BCL9L: variants seen among roughly 807,000 people sequenced by gnomAD.
BCL9L encodes BCL9 like, also known as B-cell CLL/lymphoma 9-like protein.
BCL9L carries 19 observed loss-of-function variants against 99.4 expected under a neutral mutation model. The ratio of observed to expected loss-of-function variants is 0.19; its 90% CI spans 0.13 to 0.28. The LOEUF is 0.28. Ranked by LOEUF, BCL9L falls within the 10% of genes least tolerant of loss-of-function variation. BCL9L has a pLI of 1.00. For missense variants in BCL9L, 2,023 were observed against 2,101.6 expected, an observed-to-expected ratio of 0.96 and a Z score of 0.73; for synonymous variants, 900 against 854.8, an observed-to-expected ratio of 1.05 and a Z score of -0.92.
chr11:118,899,296 C>T lies in BCL9L; in HGVS notation c.3619G>A (p.Gly1207Arg), dbSNP rs1310114307. ...PPQNSMMMAP[G>R]GPDSLNAPCG... The stretch of plus-strand genomic sequence containing the variant: ...GGGGCATTCAGGGAGTCGGGGCCCC[C>T]TGGGGCCATCATCATGGAGTTTTGA... The change falls in exon 10 of 10, where the codon GGG (glycine) becomes AGG (arginine). Residue 1207 changes from glycine (G) to arginine (R), a missense_variant. By Grantham distance (125) the Gly-to-Arg change is moderately radical. Around this residue, in one of 3 missense-constraint regions of BCL9L, gnomAD observed 902 missense variants for 888.2 expected, o/e 1.02. Transcript: ENST00000683865. 6.5e-7 allele frequency: 1 copy of T among 1,538,050 alleles called. No homozygotes were observed. The highest frequency in any genetic ancestry group is 8.8e-7 in the Non-Finnish European group (1 of 1,142,558).
Position 118,903,088 on chromosome 11 carries a change from G to A in BCL9L, c.750-14C>T. 1 of 1,566,298 alleles carries A rather than the reference G, an allele frequency of 6.4e-7. No homozygotes were observed. The highest frequency in any genetic ancestry group is 8.6e-7 in the Non-Finnish European group (1 of 1,160,414). On this transcript the variant is annotated splice_polypyrimidine_tract_variant and intron_variant, in intron 6 of 9. Coordinates refer to ENST00000683865, the MANE Select transcript of BCL9L (RefSeq NM_001378213.1). The surrounding 1 kb of genome is among the most constrained non-coding windows in gnomAD (Gnocchi z 5.6). ...GCCTCTGCAGCCCTGCACAGAGTGG[G>A]GGCACCGACAGCTCAGAGAGGTGAG...
Position 118,903,583 on chromosome 11 carries a change from G to GAGAACACCAGA in BCL9L, c.533-132_533-131insTCTGGTGTTCT. On this transcript the variant is annotated intron_variant, in intron 5 of 9. Transcript: ENST00000683865. The surrounding 1 kb of genome is among the most constrained non-coding windows in gnomAD (Gnocchi z 5.6). ...GGGACATTTGATGTCAGTATCTGGTGTTCTCACCAGGCTGGTTTCCACGAT... is the reference window on the plus strand; with the variant it reads ...GGGACATTTGATGTCAGTATCTGGTGAGAACACCAGATTCTCACCAGGCTGGTTTCCACGAT... The GAGAACACCAGA allele has an allele frequency of 4.9e-6, 5 of 1,022,178 alleles. No individual in the cohort carries two copies. Among genetic ancestry groups the GAGAACACCAGA allele is most frequent in the Non-Finnish European group, 7.4e-6 (5 of 676,380 alleles). The allele number at this position is 1,022,178 out of a possible 1,614,324, so 63.3% of individuals were successfully genotyped here. A position where few individuals can be genotyped will look rare whatever the true frequency, so the allele number is the denominator to read the frequency against.
Position 118,901,281 on chromosome 11 carries a change from C to A in BCL9L, c.2462G>T (p.Arg821Leu). Residue 821 changes from arginine (R) to leucine (L), a missense_variant, in exon 8 of 10, where the codon CGG becomes CTG. This residue lies in a region of BCL9L where 1,116 missense variants were observed against 1,194.6 expected (regional missense o/e 0.93). Transcript: ENST00000683865. The surrounding 1 kb of genome is among the most constrained non-coding windows in gnomAD (Gnocchi z 6.6). ...GLSPEEMARV[R>L]AQNSSGVMGG... ...CATCACGCCACTGCTGTTCTGGGCCCGAACCCGGGCCATCTCCTCAGGACT... is the reference window on the plus strand; with the variant it reads ...CATCACGCCACTGCTGTTCTGGGCCAGAACCCGGGCCATCTCCTCAGGACT... The A allele has an allele frequency of 6.2e-7, 1 of 1,613,952 alleles. No homozygotes were observed. The highest frequency in any genetic ancestry group is 8.5e-7 in the Non-Finnish European group (1 of 1,179,980).
intron 2 of BCL9L, chr11:118,911,222 C>T (rs1477501515): frequency 2.2e-6 from 1 of 456,006 alleles, no homozygotes; most frequent in Admixed American, 2.3e-5. Flanking sequence ...CCTCCAGCAG[C>T]CGATCCCGGT....
intron 1 of BCL9L, among the ~76,000 whole-genome samples, chr11:118,920,524 C>A (rs1041809844): frequency 6.6e-6 from 1 of 152,116 alleles, no homozygotes; most frequent in Admixed American, 6.5e-5. Context: ...TTTTCTGAAC[C>A]TTAAATTTGC....
In BCL9L at chr11:118,898,124, C is replaced by T. The variant is rs1004440948; in HGVS notation, c.*291G>A. ...GGGGTGTGGCGGGTGCAGGGATGCACGGAAAGAGGTAAAATAGAGAGGCTC... is the reference window on the plus strand; with the variant it reads ...GGGGTGTGGCGGGTGCAGGGATGCATGGAAAGAGGTAAAATAGAGAGGCTC... On this transcript the variant is annotated 3_prime_UTR_variant, in exon 10 of 10. Coordinates refer to ENST00000683865, the MANE Select transcript of BCL9L (RefSeq NM_001378213.1). 17 of 542,494 alleles carry T rather than the reference C, an allele frequency of 3.1e-5. No homozygotes were observed. Among genetic ancestry groups the T allele is most frequent in the Non-Finnish European group, 4.6e-5 (14 of 301,454 alleles). 33.6% of individuals were successfully genotyped at this position (542,494 alleles called of 1,614,324 possible). A position where few individuals can be genotyped will look rare whatever the true frequency, so the allele number is the denominator to read the frequency against.
rs1196104764 is a variant in BCL9L, at chr11:118,898,017, C to G, written c.*398G>C. 7.3e-6 allele frequency: 3 copies of G among 411,906 alleles called. No individual in the cohort carries two copies. The East Asian group carries it at 1.8e-4, about 25-fold the overall frequency. The allele number at this position is 411,906 out of a possible 1,614,324, so 25.5% of individuals were successfully genotyped here. On this transcript the variant is annotated 3_prime_UTR_variant, in exon 10 of 10. Transcript: ENST00000683865. The stretch of plus-strand genomic sequence containing the variant: ...CAATGCGGACACGAGGAGACAGGAG[C>G]AGAAGGGGCTGGGGGAGACCTGACC...
Position 118,908,297 on chromosome 11 carries a change from T to A in BCL9L, c.385A>T (p.Thr129Ser). Residue 129 changes from threonine (T) to serine (S), a missense_variant, in exon 4 of 10, where the codon ACC (threonine) becomes TCC (serine). Physicochemically the swap from Thr to Ser is moderately conservative, Grantham distance 58. Coordinates refer to ENST00000683865, the MANE Select transcript of BCL9L (RefSeq NM_001378213.1). The part of the protein sequence containing the change: ...VDSGEQREAG[T>S]PSLDSEAKEV... ...TTGGCCTCTGAATCCAGGGATGGGG[T>A]CCCAGCCTCTCGCTGCTCTCCAGAG... 6.4e-7 allele frequency: 1 copy of A among 1,568,864 alleles called. No individual in the cohort carries two copies. Among genetic ancestry groups the A allele is most frequent in the Admixed American group, 1.8e-5 (1 of 55,606 alleles).
intron 2 of BCL9L, among the ~76,000 whole-genome samples, chr11:118,918,057 G>A (rs754803614): frequency 6.6e-6 from 1 of 152,168 alleles, no homozygotes; most frequent in Admixed American, 6.5e-5. Context: ...GTGTCCCTTG[G>A]GGGGTGGCTT....
chr11:118,910,052 T>TG, intron 2 of BCL9L, 37 bp from the exon 3 acceptor site: 1 of 1,397,642 alleles, frequency 7.2e-7, no homozygotes, highest in Non-Finnish European at 9.7e-7. Flanking sequence ...ACTCGTGACT[T>TG]GGGGAGGGGG....
intron 2 of BCL9L, among the ~76,000 whole-genome samples, chr11:118,917,910 G>A (rs946448402): frequency 6.6e-6 from 1 of 152,056 alleles, no homozygotes; most frequent in Non-Finnish European, 1.5e-5. Flanking sequence ...GAGGCCCCAG[G>A]TGGGGGTCAA....
rs930002386 is a variant in BCL9L at position 118,921,521 on chromosome 11, G to A, written c.-130-2642C>T. On this transcript the variant is annotated intron_variant, in intron 1 of 9. Transcript: ENST00000683865. The surrounding 1 kb of genome is among the most constrained non-coding windows in gnomAD (Gnocchi z 5.4). Reference sequence around the variant, plus strand: ...GGGAAGTGGAGAGTGAGGAGGAGGGGAAGACGGGCCAGCCCAGGGCTACCA... The same window carrying A: ...GGGAAGTGGAGAGTGAGGAGGAGGGAAAGACGGGCCAGCCCAGGGCTACCA... Among the ~76,000 whole-genome samples the A allele has an allele frequency of 7.2e-5, 11 of 151,984 alleles. No homozygotes were observed. The highest frequency in any genetic ancestry group is 2.7e-4 in the African/African-American group (11 of 41,350).
rs1381072509 is a variant in BCL9L at position 118,902,389 on chromosome 11, G to C, written c.1354C>G (p.Gln452Glu). 6.5e-7 allele frequency: 1 copy of C among 1,540,740 alleles called. No homozygotes were observed. Among genetic ancestry groups the C allele is most frequent in the Non-Finnish European group, 8.7e-7 (1 of 1,146,670 alleles). The change falls in exon 8 of 10, where the codon CAG (glutamine) becomes GAG (glutamate). Residue 452 changes from glutamine to glutamate, a missense_variant. Transcript: ENST00000683865. This position sits in a 1 kb window ranked among gnomAD's most constrained non-coding sequence, Gnocchi z 7.8. Reference sequence around the variant, plus strand: ...CTGGGAGGGGCCGTGGGTGGCTGCTGGGGGGGAGGGGGGGCTTGTGCTGGT... The same window carrying C: ...CTGGGAGGGGCCGTGGGTGGCTGCTCGGGGGGAGGGGGGGCTTGTGCTGGT... ...GPPAQAPPPP[Q>E]QPPTAPPSGL...
At chr11:118,909,144 G>GC (rs1442388637) in intron 3 of BCL9L, among the ~76,000 whole-genome samples, 1 of 152,224 alleles carries the variant, frequency 6.6e-6, no homozygotes, top group Non-Finnish European at 1.5e-5. Flanking sequence ...ATTCCCCAGG[G>GC]ACAGTGGGAA....
At chr11:118,907,177 C>T (rs1940556920) in intron 5 of BCL9L, among the ~76,000 whole-genome samples, 1 of 152,194 alleles carries the variant, frequency 6.6e-6, no homozygotes, top group Non-Finnish European at 1.5e-5. Flanking sequence ...TCACCGCCCT[C>T]CCTCCACTAA....
At chr11:118,918,573 C>A (rs959048896) in intron 2 of BCL9L, among the ~76,000 whole-genome samples, 6 of 152,018 alleles carry the variant, frequency 3.9e-5, no homozygotes, top group Admixed American at 3.9e-4. Flanking sequence ...GGCTCTAACC[C>A]CTCCCAGCCC....
rs1296582632 is a variant in BCL9L at position 118,902,381 on chromosome 11, T to A, written c.1362A>T (p.Pro454=). The change falls in exon 8 of 10, where the codon CCA becomes CCT. Residue 454 remains proline (P), a synonymous_variant. Coordinates refer to ENST00000683865, the MANE Select transcript of BCL9L (RefSeq NM_001378213.1). The surrounding 1 kb of genome is among the most constrained non-coding windows in gnomAD (Gnocchi z 7.8). ...PAQAPPPPQQ[P]PTAPPSGLKK... ...TCAGCCCGCTGGGAGGGGCCGTGGG[T>A]GGCTGCTGGGGGGGAGGGGGGGCTT... 1 of 758,018 alleles carries A rather than the reference T, an allele frequency of 1.3e-6. No individual in the cohort carries two copies. Among genetic ancestry groups the A allele is most frequent in the South Asian group, 1.7e-5 (1 of 60,258 alleles). 47.0% of individuals were successfully genotyped at this position (758,018 alleles called of 1,614,324 possible).
In BCL9L at chr11:118,914,459, C is replaced by G. The variant is rs80260033; in HGVS notation, c.-77+4367G>C. Among the ~76,000 whole-genome samples the G allele has an allele frequency of 0.051, 7,757 of 152,296 alleles. 637 individuals are homozygous for G. The highest frequency in any genetic ancestry group is 0.17 in the African/African-American group (7,245 of 41,534). On this transcript the variant is annotated intron_variant, in intron 2 of 9. Transcript: ENST00000683865. This position sits in a 1 kb window ranked among gnomAD's most constrained non-coding sequence, Gnocchi z 4.4. Reference sequence around the variant, plus strand: ...AGGCATCCTCCTGGCCCCTCACCTCCCCTGATGGCTCACACTCTTGGCAGC... The same window carrying G: ...AGGCATCCTCCTGGCCCCTCACCTCGCCTGATGGCTCACACTCTTGGCAGC...
Position 118,902,585 on chromosome 11 carries a change from A to C in BCL9L, c.1158T>G (p.Pro386=). ...CCACCAGGCTGCGCTGCCCATTTCC[A>C]GGGGCGGCTGCCTCCCCCAGCAGGG... ...GPALLGEAAA[P]GNGQRSLVGS... The change falls in exon 8 of 10, where the codon CCT becomes CCG. Residue 386 remains proline, a synonymous_variant. Transcript: ENST00000683865. The surrounding 1 kb of genome is among the most constrained non-coding windows in gnomAD (Gnocchi z 7.8). The C allele has an allele frequency of 5.0e-6, 8 of 1,600,228 alleles. No individual in the cohort carries two copies. Among genetic ancestry groups the C allele is most frequent in the Non-Finnish European group, 6.8e-6 (8 of 1,179,770 alleles).
Sources: gnomAD v4.1 joint callset for allele counts (sites outside exome capture counted in the v4.1 genomes callset) on GRCh38, gnomAD v4.1.1 for gene constraint, gnomAD v4.1.1 regional missense constraint, Gnocchi (gnomAD v3.1) non-coding constraint, MANE v1.5 for transcripts, NCBI Gene and HGNC (gene_info 2026-07-23, HGNC 2026-07-21) for gene names.